LAMA5: variants seen among roughly 807,000 people sequenced by gnomAD.
LAMA5 encodes laminin subunit alpha 5.
A neutral mutation model predicts 433.4 loss-of-function variants in LAMA5; 260 were observed. The observed-to-expected ratio is 0.60, with a 90% CI of 0.54 to 0.66. The LOEUF is 0.66. Ranked by LOEUF, LAMA5 falls within the 30% of genes least tolerant of loss-of-function variation. LAMA5 has a pLI of 0.00. For synonymous variants in LAMA5, 2,620 were observed against 2,226.6 expected, an observed-to-expected ratio of 1.18 and a Z score of -4.97; for missense variants, 5,378 against 5,258.5, an observed-to-expected ratio of 1.02 and a Z score of -0.70.
Position 62,329,809 on chromosome 20 carries a change from C to T in LAMA5, c.4087G>A (p.Val1363Met), listed in dbSNP as rs766351503. The change falls in exon 32 of 80, where the codon GTG (valine) becomes ATG (methionine). Residue 1363 changes from valine (V) to methionine (M), a missense_variant. Physicochemically the swap from Val to Met is conservative, Grantham distance 21. Coordinates refer to ENST00000252999, the MANE Select transcript of LAMA5 (RefSeq NM_005560.6). The stretch of plus-strand genomic sequence containing the variant: ...AGCCACCGGCCCTTGGGCACACGCA[C>T]GGTCACAGTGAGCTCGCTGTGGGTC... ...DVTHSELTVT[V>M]RVPKGRWLWL... 2.7e-5 allele frequency: 43 copies of T among 1,612,500 alleles called. 1 individual carries two copies. In the South Asian group the frequency reaches 4.0e-4, roughly 15 times the overall value.
Position 62,330,597 on chromosome 20 carries a change from G to T in LAMA5, c.3870C>A (p.Thr1290=). ...LREPQATVVF[T]THVPTLGRYA... ...AGCGGCCCAGCGTGGGCACATGGGT[G>T]GTGAAGACCACGGTGGCCTGCAGGG... The change falls in exon 31 of 80, where the codon ACC becomes ACA. Residue 1290 remains threonine, a synonymous_variant. Transcript: ENST00000252999. 6.3e-7 allele frequency: 1 copy of T among 1,593,162 alleles called. No individual in the cohort carries two copies. The highest frequency in any genetic ancestry group is 1.1e-5 in the South Asian group (1 of 87,212).
Position 62,331,036 on chromosome 20 carries a change from T to C in LAMA5, c.3646A>G (p.Asn1216Asp), listed in dbSNP as rs1424289243. The C allele has an allele frequency of 6.3e-6, 10 of 1,597,624 alleles. No individual in the cohort carries two copies. Among genetic ancestry groups the C allele is most frequent in the African/African-American group, 1.3e-5 (1 of 74,176 alleles). The change falls in exon 29 of 80, where the codon AAC becomes GAC. Residue 1216 changes from asparagine (N) to aspartate (D), a missense_variant. Asn to Asp is a conservative substitution (Grantham distance 23). Coordinates refer to ENST00000252999, the MANE Select transcript of LAMA5 (RefSeq NM_005560.6). ...CISSHGAFGPNSAACLPSRFP... is the reference protein window; with the variant it reads ...CISSHGAFGPDSAACLPSRFP... ...AGCCCCATTACCTGCCATTACCTGT[T>C]GGGGCCAAAGGCGCCGTGGCTGCTG... is the stretch of plus-strand genomic sequence containing the variant.
Position 62,327,272 on chromosome 20 carries a change from C to T in LAMA5, c.5073G>A (p.Glu1691=). 1 of 1,561,648 alleles carries T rather than the reference C, an allele frequency of 6.4e-7. No individual in the cohort carries two copies. Among genetic ancestry groups the T allele is most frequent in the Non-Finnish European group, 8.7e-7 (1 of 1,153,520 alleles). ...AGGAGGGTGGGGCCTGCCAGTACAG[C>T]TCGGGGAAAGCCTCGGGCACAGCCT... ...VPEAVPEAFP[E]LYWQAPPSYL... The change falls in exon 38 of 80, where the codon GAG becomes GAA. Residue 1691 remains glutamate (E), a synonymous_variant. Transcript: ENST00000252999.
intron 16 of LAMA5, among the ~76,000 whole-genome samples, chr20:62,337,345 G>C (rs1008407356): frequency 2.0e-5 from 3 of 152,148 alleles, no homozygotes; most frequent in African/African-American, 7.2e-5. Flanking sequence ...TACACACACA[G>C]AACGCAACAC....
At chr20:62,364,117 G>A (rs1000432278) in intron 1 of LAMA5, among the ~76,000 whole-genome samples, 1 of 152,188 alleles carries the variant, frequency 6.6e-6, no homozygotes, top group Admixed American at 6.5e-5. Context: ...GCATTCTCGT[G>A]GATGGGGCTA....
intron 31 of LAMA5, among the ~76,000 whole-genome samples, chr20:62,330,210 C>G (rs1980099673): frequency 6.6e-6 from 1 of 152,278 alleles, no homozygotes; most frequent in South Asian, 2.1e-4. Flanking sequence ...ACATGTGCTG[C>G]CAGCGGCATC....
rs565768327 is a variant in LAMA5, at chr20:62,346,941, C to G, written c.1044G>C (p.Ala348=). 23 of 1,612,876 alleles carry G rather than the reference C, an allele frequency of 1.4e-5. No individual in the cohort carries two copies. In the African/African-American group the frequency reaches 2.9e-4, roughly 21 times the overall value. The change falls in exon 7 of 80, where the codon GCG becomes GCC. Residue 348 remains alanine, a synonymous_variant. Transcript: ENST00000252999. The part of the protein sequence containing the change: ...PGFNQQPWKP[A]TANSANECQS... The stretch of plus-strand genomic sequence containing the variant: ...GGCACTCGTTGGCACTGTTGGCAGT[C>G]GCAGGCTTCCACGGCTGCTGATTGA...
rs372533874 is a variant in LAMA5, at chr20:62,312,101, C to A, written c.9505-51G>T. On this transcript the variant is annotated intron_variant, in intron 69 of 79. Coordinates refer to ENST00000252999, the MANE Select transcript of LAMA5 (RefSeq NM_005560.6). The stretch of plus-strand genomic sequence containing the variant: ...GCCGGCCTGGGGACCCAGACTCATT[C>A]CAGACACCCCAGTCCCAACTGCTCC... 12 of 1,608,518 alleles carry A rather than the reference C, an allele frequency of 7.5e-6. No individual in the cohort carries two copies. In the African/African-American group the frequency reaches 1.6e-4, roughly 21 times the overall value.
intron 21 of LAMA5, 59 bp from the exon 22 acceptor site, chr20:62,334,401 C>A: frequency 1.3e-6 from 2 of 1,528,682 alleles, no homozygotes; most frequent in South Asian, 1.2e-5. Context: ...CCCTGCACAG[C>A]GGCCCCGGGT....
chr20:62,329,316 A>C (rs1979907545), intron 32 of LAMA5, 63 bp from the exon 33 acceptor site: 2 of 1,290,158 alleles, frequency 1.6e-6, no homozygotes, highest in Admixed American at 3.7e-5. Context: ...AGGCCCCCAG[A>C]GGCTGGCTGG....
Position 62,311,958 on chromosome 20 carries a change from A to AG in LAMA5, c.9596_9597insC (p.Ala3200CysfsTer20). 1 of 1,612,664 alleles carries AG rather than the reference A, an allele frequency of 6.2e-7. No homozygotes were observed. Among genetic ancestry groups the AG allele is most frequent in the Non-Finnish European group, 8.5e-7 (1 of 1,179,886 alleles). On this transcript the variant is annotated frameshift_variant, in exon 70 of 80. Coordinates refer to ENST00000252999, the MANE Select transcript of LAMA5 (RefSeq NM_005560.6). LOFTEE classifies it high-confidence loss of function. ...TGTAGAAGGCGACGTAATGGGGGGC[A>AG]CCATCGGCGAAGCCCGCTTGAGTTT...
rs1365771273 is a variant in LAMA5 at position 62,313,108 on chromosome 20, G to A, written c.8935C>T (p.Leu2979Phe). The change falls in exon 65 of 80, where the codon CTC (leucine) becomes TTC (phenylalanine). Residue 2979 changes from leucine to phenylalanine, a missense_variant. Transcript: ENST00000252999. Reference protein sequence around the residue: ...ELRLVSYSGVLFFLKQQSQFL... With the variant: ...ELRLVSYSGVFFFLKQQSQFL... ...CGCACCTGCTGCTTCAGGAAGAAGAGCACCCCGCTGTAGGACACGAGCCGC... is the reference window on the plus strand; with the variant it reads ...CGCACCTGCTGCTTCAGGAAGAAGAACACCCCGCTGTAGGACACGAGCCGC... The A allele has an allele frequency of 6.2e-7, 1 of 1,609,460 alleles. No individual in the cohort carries two copies. Among genetic ancestry groups the A allele is most frequent in the Non-Finnish European group, 8.5e-7 (1 of 1,179,706 alleles).
intron 11 of LAMA5, among the ~76,000 whole-genome samples, chr20:62,340,908 G>A (rs1982488843): frequency 6.6e-6 from 1 of 151,696 alleles, no homozygotes; most frequent in Non-Finnish European, 1.5e-5. Flanking sequence ...GGTGGTGGGC[G>A]CCTATAATCA....
chr20:62,325,118 C>CAGGCAGAT (rs1979039343), intron 41 of LAMA5, 198 bp downstream of exon 41: 46 of 414,838 alleles, frequency 1.1e-4, no homozygotes, highest in African/African-American at 7.5e-4. Context: ...GGCAGGCGGA[C>CAGGCAGAT]GAGGGGCAGG....
rs1985814317 is a variant in LAMA5, at chr20:62,309,347, G to A, written c.11077C>T (p.Pro3693Ser). The change falls in exon 80 of 80, where the codon CCA becomes TCA. Residue 3693 changes from proline (P) to serine (S), a missense_variant. Physicochemically the swap from Pro to Ser is moderately conservative, Grantham distance 74. Transcript: ENST00000252999. Reference sequence around the variant, plus strand: ...GGGTTGGCTGTGTCCTAGGCGGCTGGGCAGCCACTGGCCCCCACTGCCCCG... The same window carrying A: ...GGGTTGGCTGTGTCCTAGGCGGCTGAGCAGCCACTGGCCCCCACTGCCCCG... ...VHGAVGASGCPAA is the reference protein window; with the variant it reads ...VHGAVGASGCSAA The A allele has an allele frequency of 1.3e-6, 2 of 1,590,686 alleles. No homozygotes were observed. The highest frequency in any genetic ancestry group is 1.1e-5 in the South Asian group (1 of 89,414).
chr20:62,321,856 G>A (rs1025991418), intron 48 of LAMA5, among the ~76,000 whole-genome samples, 163 bp downstream of exon 48: 9 of 151,916 alleles, frequency 5.9e-5, no homozygotes, highest in Non-Finnish European at 1.0e-4. Flanking sequence ...GAGCTGCAGC[G>A]CTCCTCAGCG....
At chr20:62,310,354 C>T in intron 76 of LAMA5, 43 bp from the exon 77 acceptor site, 3 of 1,571,522 alleles carry the variant, frequency 1.9e-6, no homozygotes, top group Non-Finnish European at 2.6e-6. Flanking sequence ...GGGGGCCCCT[C>T]CCCAGAACCT....
intron 40 of LAMA5, among the ~76,000 whole-genome samples, chr20:62,326,246 CAAAG>C (rs1182796910): frequency 6.8e-6 from 1 of 147,274 alleles, no homozygotes; most frequent in African/African-American, 2.5e-5. Context: ...AAAAAAAAAA[CAAAG>C]AAAAACCAGA....
In LAMA5 at chr20:62,367,106, G is replaced by A. The variant is rs1986822479; in HGVS notation, c.140C>T (p.Pro47Leu). ...EEAGGGFSLH[P>L]PYFNLAEGAR... Reference sequence around the variant, plus strand: ...GCCCTCGGCCAGGTTGAAGTAGGGCGGGTGCAGGCTGAAGCCGCCGCCCGC... The same window carrying A: ...GCCCTCGGCCAGGTTGAAGTAGGGCAGGTGCAGGCTGAAGCCGCCGCCCGC... Residue 47 changes from proline to leucine, a missense_variant, in exon 1 of 80, where the codon CCG becomes CTG. Physicochemically the swap from Pro to Leu is moderately conservative, Grantham distance 98. Transcript: ENST00000252999. The A allele has an allele frequency of 2.3e-6, 3 of 1,277,864 alleles. No individual in the cohort carries two copies. The highest frequency in any genetic ancestry group is 3.9e-5 in the Admixed American group (1 of 25,710). The allele number at this position is 1,277,864 out of a possible 1,614,324, so 79.2% of individuals were successfully genotyped here. A position where few individuals can be genotyped will look rare whatever the true frequency, so the allele number is the denominator to read the frequency against.
Sources: gnomAD v4.1 joint callset for allele counts (sites outside exome capture counted in the v4.1 genomes callset) on GRCh38, gnomAD v4.1.1 for gene constraint, MANE v1.5 for transcripts, NCBI Gene and HGNC (gene_info 2026-07-23, HGNC 2026-07-21) for gene names.